The following GFRA1 variants were observed in gnomAD, a reference collection of about 807,000 sequenced individuals.
The protein encoded by GFRA1 is GDNF family receptor alpha-1.
GFRA1 carries 16 observed loss-of-function variants against 51.6 expected under a neutral mutation model. The ratio of observed to expected loss-of-function variants is 0.31; its 90% CI spans 0.21 to 0.47. The LOEUF is 0.47. Ranked by LOEUF, GFRA1 falls within the 20% of genes least tolerant of loss-of-function variation. The pLI, the probability that GFRA1 is intolerant of heterozygous loss-of-function variation, is 1.00. For synonymous variants in GFRA1, 270 were observed against 241.3 expected (o/e 1.12, Z -1.10); for missense variants, 530 against 594.3 (o/e 0.89, Z 1.13).
intron 8 of GFRA1, 82 bp from the exon 9 acceptor site, chr10:116,090,004 A>T: frequency 7.8e-7 from 1 of 1,277,208 alleles, no homozygotes; most frequent in South Asian, 1.3e-5. Context: ...AGAGAGGCAC[A>T]CTAGAAATTC....
At chr10:116,073,327 G>A (rs1431393245) in intron 9 of GFRA1, among the ~76,000 whole-genome samples, 1 of 152,112 alleles carries the variant, frequency 6.6e-6, no homozygotes, top group African/African-American at 2.4e-5. Flanking sequence ...TACCTTCACA[G>A]GATCACCTTA....
intron 5 of GFRA1, among the ~76,000 whole-genome samples, chr10:116,141,724 C>T (rs1055209049): frequency 2.0e-5 from 3 of 152,122 alleles, no homozygotes; most frequent in East Asian, 1.9e-4. Flanking sequence ...GCTGGGATTA[C>T]GGGCACCTGC....
At chr10:116,163,826 T>C (rs551938927) in intron 5 of GFRA1, among the ~76,000 whole-genome samples, 3 of 152,326 alleles carry the variant, frequency 2.0e-5, no homozygotes, top group South Asian at 2.1e-4. Context: ...GCTCCACTCA[T>C]TGAGGGGTTC....
Position 116,125,575 on chromosome 10 carries a change from G to T in GFRA1, c.434-18C>A, listed in dbSNP as rs746663638. On this transcript the variant is annotated intron_variant, in intron 5 of 10. Transcript: ENST00000355422. ...GTGCTCCACTGCAAATGCAGAGAAA[G>T]ACAGGCATGGTCACAGTGCTCGGCT... 1.3e-6 allele frequency: 2 copies of T among 1,592,090 alleles called. No homozygotes were observed. Among genetic ancestry groups the T allele is most frequent in the Non-Finnish European group, 1.7e-6 (2 of 1,163,394 alleles).
intron 4 of GFRA1, among the ~76,000 whole-genome samples, chr10:116,249,871 A>C (rs926625676): frequency 3.3e-5 from 5 of 152,226 alleles, no homozygotes; most frequent in Admixed American, 2.0e-4. Context: ...TAAATCTACA[A>C]AATAGCTGAG....
intron 5 of GFRA1, among the ~76,000 whole-genome samples, chr10:116,175,282 A>G (rs1263285893): frequency 6.6e-6 from 1 of 152,118 alleles, no homozygotes. Context: ...TACCCTCAAC[A>G]TGGTGCCATA....
rs113227610 is a variant in GFRA1, at chr10:116,064,064, C to G, written c.*334G>C. On this transcript the variant is annotated 3_prime_UTR_variant, in exon 11 of 11. Coordinates refer to ENST00000355422, the MANE Select transcript of GFRA1 (RefSeq NM_005264.8). The stretch of plus-strand genomic sequence containing the variant: ...TCATCATCATGATCATGATGATCAT[C>G]ATCATGATCATGATGATCATCATCA... 161 of 135,570 alleles carry G rather than the reference C, an allele frequency of 1.2e-3. 2 individuals are homozygous for G. The South Asian group carries it at 0.014, about 12-fold the overall frequency. 8.4% of individuals were successfully genotyped at this position (135,570 alleles called of 1,614,324 possible).
Position 116,064,097 on chromosome 10 carries a change from C to CATCATCATG in GFRA1, c.*300_*301insCATGATGAT. ...TCATGATGATCATCATCATGATCAT[C>CATCATCATG]ATCATCATCGAAAACACAGCCCCAG... is the stretch of plus-strand genomic sequence containing the variant. On this transcript the variant is annotated 3_prime_UTR_variant, in exon 11 of 11. Coordinates refer to ENST00000355422, the MANE Select transcript of GFRA1 (RefSeq NM_005264.8). 3.8e-6 allele frequency: 1 copy of CATCATCATG among 259,820 alleles called. No homozygotes were observed. Among genetic ancestry groups the CATCATCATG allele is most frequent in the Non-Finnish European group, 7.2e-6 (1 of 139,522 alleles). The allele number at this position is 259,820 out of a possible 1,614,324, so 16.1% of individuals were successfully genotyped here.
chr10:116,212,437 T>C (rs1965262494), intron 4 of GFRA1, among the ~76,000 whole-genome samples: 1 of 151,628 alleles, frequency 6.6e-6, no homozygotes, highest in African/African-American at 2.4e-5. Context: ...GGAGAATCAC[T>C]TGAACCCAGG....
chr10:116,085,470 T>C (rs985422065), intron 9 of GFRA1, among the ~76,000 whole-genome samples: 3 of 152,186 alleles, frequency 2.0e-5, no homozygotes, highest in African/African-American at 7.2e-5. Flanking sequence ...TTCTGAGTCA[T>C]GACACATGTG....
At chr10:116,248,396 T>G (rs1968046376) in intron 4 of GFRA1, among the ~76,000 whole-genome samples, 1 of 152,104 alleles carries the variant, frequency 6.6e-6, no homozygotes, top group South Asian at 2.1e-4. Flanking sequence ...TTACAGGGCA[T>G]GAAGGGGATG....
chr10:116,073,810 C>T (rs946670642), intron 9 of GFRA1, among the ~76,000 whole-genome samples: 15 of 152,080 alleles, frequency 9.9e-5, no homozygotes, highest in African/African-American at 2.9e-4. Context: ...CAGCTGAGTG[C>T]GGCCCCGTAA....
At chr10:116,265,135 G>A (rs916241515) in intron 4 of GFRA1, among the ~76,000 whole-genome samples, 1 of 152,168 alleles carries the variant, frequency 6.6e-6, no homozygotes, top group African/African-American at 2.4e-5. Context: ...TCTCATCCTG[G>A]AGCAAACCAC....
intron 4 of GFRA1, among the ~76,000 whole-genome samples, chr10:116,240,264 C>T (rs751146587): frequency 6.6e-6 from 1 of 152,112 alleles, no homozygotes; most frequent in Non-Finnish European, 1.5e-5. Context: ...CCAACTACTC[C>T]ACGGCTTGAG....
intron 5 of GFRA1, among the ~76,000 whole-genome samples, chr10:116,175,113 A>G (rs139321077): frequency 0.015 from 2,258 of 152,244 alleles, 21 homozygotes; most frequent in Middle Eastern, 0.054. Flanking sequence ...AACCCTGTAC[A>G]TGGCATTTAA....
intron 9 of GFRA1, among the ~76,000 whole-genome samples, chr10:116,079,167 G>A (rs1315551229): frequency 6.6e-6 from 1 of 152,042 alleles, no homozygotes; most frequent in Non-Finnish European, 1.5e-5. Flanking sequence ...CAGTAGGAAG[G>A]CGGCCATCTG....
chr10:116,198,895 G>A (rs1439879730), intron 5 of GFRA1, among the ~76,000 whole-genome samples: 4 of 152,148 alleles, frequency 2.6e-5, no homozygotes, highest in South Asian at 2.1e-4. Flanking sequence ...ATGCGGTCAC[G>A]ATGGATTAGG....
chr10:116,255,948 C>A (rs953323591), intron 4 of GFRA1, among the ~76,000 whole-genome samples: 2 of 152,126 alleles, frequency 1.3e-5, no homozygotes, highest in Admixed American at 1.3e-4. Flanking sequence ...GCACTCAAAT[C>A]ATCTACTATT....
intron 5 of GFRA1, among the ~76,000 whole-genome samples, chr10:116,186,024 G>C (rs1018787616): frequency 6.6e-6 from 1 of 152,124 alleles, no homozygotes; most frequent in Non-Finnish European, 1.5e-5. Context: ...AGGTAGGGGG[G>C]TAGTAGGTGG....
Sources: allele counts gnomAD v4.1 joint callset (sites outside exome capture counted in the v4.1 genomes callset), GRCh38; gene constraint gnomAD v4.1.1; transcripts MANE v1.5; gene names NCBI Gene and HGNC (gene_info 2026-07-23, HGNC 2026-07-21).